The following PTPRD variants were observed in gnomAD, a reference collection of about 807,000 sequenced individuals.
The protein encoded by PTPRD is protein tyrosine phosphatase receptor type D, also known as receptor-type tyrosine-protein phosphatase delta.
PTPRD carries 34 observed loss-of-function variants against 214.5 expected under a neutral mutation model. The observed-to-expected ratio is 0.16, with a 90% confidence interval of 0.12 to 0.21. The LOEUF (loss-of-function observed/expected upper bound fraction) is 0.21. Among genes scored for constraint, PTPRD ranks in the 10% least tolerant of loss-of-function variants. The pLI is 1.00. For missense variants in PTPRD, 2,545 were observed against 2,398.7 expected (o/e 1.06, Z -1.27); for synonymous variants, 1,128 against 845.7 (o/e 1.33, Z -5.79).
At chr9:9,107,826 A>G (rs1219269903) in intron 10 of PTPRD, among the ~76,000 whole-genome samples, 2 of 152,164 alleles carry the variant, frequency 1.3e-5, no homozygotes, top group African/African-American at 2.4e-5. Context: ...TTGATGACTC[A>G]AAAGCACTCT....
intron 2 of PTPRD, among the ~76,000 whole-genome samples, chr9:10,461,828 G>T (rs986718782): frequency 3.9e-5 from 6 of 151,940 alleles, no homozygotes; most frequent in African/African-American, 1.5e-4. Flanking sequence ...AACCATGTTG[G>T]CCAGGCTGGT....
At chr9:10,293,126 A>C (rs1021934642) in intron 3 of PTPRD, among the ~76,000 whole-genome samples, 2 of 151,952 alleles carry the variant, frequency 1.3e-5, no homozygotes, top group Non-Finnish European at 2.9e-5. Context: ...CATGCAGATA[A>C]TGGCTAATAC....
intron 10 of PTPRD, among the ~76,000 whole-genome samples, chr9:9,068,608 AC>A (rs2099738900): frequency 6.6e-6 from 1 of 151,846 alleles, no homozygotes; most frequent in East Asian, 1.9e-4. Context: ...CTGATGTTTT[AC>A]AAAAAATTTT....
chr9:10,507,368 A>T (rs1306768873), intron 2 of PTPRD, among the ~76,000 whole-genome samples: 1 of 152,104 alleles, frequency 6.6e-6, no homozygotes, highest in Non-Finnish European at 1.5e-5. Flanking sequence ...AAATGGCCAT[A>T]TTGCCCAAGG....
chr9:9,433,933 CA>C (rs1345775192), intron 8 of PTPRD, among the ~76,000 whole-genome samples: 2 of 152,060 alleles, frequency 1.3e-5, no homozygotes, highest in Non-Finnish European at 2.9e-5. Flanking sequence ...CTAATAAGCT[CA>C]AAAACGCAGC....
chr9:9,737,327 A>G (rs1036413224), intron 6 of PTPRD, among the ~76,000 whole-genome samples: 1 of 152,278 alleles, frequency 6.6e-6, no homozygotes, highest in South Asian at 2.1e-4. Context: ...CCTTTCTTTC[A>G]ATATGAGTGT....
chr9:9,071,175 T>G (rs1180602560), intron 10 of PTPRD, among the ~76,000 whole-genome samples: 1 of 152,206 alleles, frequency 6.6e-6, no homozygotes, highest in African/African-American at 2.4e-5. Flanking sequence ...CTGTGGCACG[T>G]AAAACTTGGA....
At chr9:10,440,158 T>G (rs1484254110) in intron 2 of PTPRD, among the ~76,000 whole-genome samples, 2 of 151,614 alleles carry the variant, frequency 1.3e-5, no homozygotes, top group African/African-American at 2.4e-5. Context: ...GGCAATATAA[T>G]AAATGTACTT....
At chr9:10,461,056 T>C (rs2098954695) in intron 2 of PTPRD, among the ~76,000 whole-genome samples, 1 of 152,012 alleles carries the variant, frequency 6.6e-6, no homozygotes, top group Non-Finnish European at 1.5e-5. Flanking sequence ...GTAAGAAATA[T>C]ATAACCTGAT....
At chr9:8,599,357 A>G (rs766840520) in intron 14 of PTPRD, among the ~76,000 whole-genome samples, 28 of 152,272 alleles carry the variant, frequency 1.8e-4, no homozygotes, top group South Asian at 1.5e-3. Flanking sequence ...ATCTGTCTAT[A>G]TCACCCTGAA....
chr9:9,851,772 C>T (rs915644117), intron 5 of PTPRD, among the ~76,000 whole-genome samples: 9 of 152,088 alleles, frequency 5.9e-5, no homozygotes, highest in African/African-American at 2.2e-4. Flanking sequence ...ACAGCGAGAC[C>T]CTGTCTCAAT....
rs1440164764 is a variant in PTPRD at position 9,818,804 on chromosome 9, T to C, written c.-367-51953A>G. On this transcript the variant is annotated intron_variant, in intron 5 of 45. Coordinates refer to ENST00000381196, the MANE Select transcript of PTPRD (RefSeq NM_002839.4). ...AGTGGTGTGCGCCTGTAATCCCAGC[T>C]ACTCGGGAGGCTGAGGCTGGAAAAT... Among the ~76,000 whole-genome samples the C allele has an allele frequency of 4.6e-5, 7 of 150,722 alleles. No individual in the cohort carries two copies. The East Asian group carries it at 1.4e-3, about 30-fold the overall frequency.
Position 8,664,657 on chromosome 9 carries a change from T to C in PTPRD, c.65-27813A>G, listed in dbSNP as rs77028872. Among the ~76,000 whole-genome samples the C allele has an allele frequency of 3.9e-3, 591 of 152,352 alleles. 4 individuals are homozygous for C. Among genetic ancestry groups the C allele is most frequent in the African/African-American group, 0.014 (565 of 41,588 alleles). On this transcript the variant is annotated intron_variant, in intron 12 of 45. Coordinates refer to ENST00000381196, the MANE Select transcript of PTPRD (RefSeq NM_002839.4). ...CTCTGGTGTTTATGGTATATAATCC[T>C]CTTAAATGCATGTTTGCTGAGACAC...
At chr9:9,346,050 G>A (rs952522026) in intron 9 of PTPRD, among the ~76,000 whole-genome samples, 2 of 152,040 alleles carry the variant, frequency 1.3e-5, no homozygotes, top group Non-Finnish European at 1.5e-5. Context: ...ATAGAATAGG[G>A]GCCGTGTTCT....
chr9:8,378,364 T>G (rs1326636996), intron 37 of PTPRD, among the ~76,000 whole-genome samples: 1 of 152,040 alleles, frequency 6.6e-6, no homozygotes, highest in Non-Finnish European at 1.5e-5. Flanking sequence ...GATGACATAT[T>G]TAGCAAAAGC....
intron 39 of PTPRD, among the ~76,000 whole-genome samples, chr9:8,375,248 A>C (rs1428473755): frequency 6.6e-6 from 1 of 152,002 alleles, no homozygotes; most frequent in African/African-American, 2.4e-5. Flanking sequence ...TTAATATTTA[A>C]AAATCTATAA....
At chr9:9,582,179 T>G (rs1648364995) in intron 7 of PTPRD, among the ~76,000 whole-genome samples, 1 of 152,276 alleles carries the variant, frequency 6.6e-6, no homozygotes, top group African/African-American at 2.4e-5. Context: ...GCTAGGTTCA[T>G]GACCACTTGG....
chr9:9,547,798 A>T (rs1479181641), intron 8 of PTPRD, among the ~76,000 whole-genome samples: 2 of 148,562 alleles, frequency 1.3e-5, no homozygotes, highest in Non-Finnish European at 3.0e-5. Flanking sequence ...ACACAAATTC[A>T]CACACACACA....
intron 2 of PTPRD, among the ~76,000 whole-genome samples, chr9:10,509,655 C>A (rs1192772791): frequency 6.8e-6 from 1 of 147,866 alleles, no homozygotes; most frequent in Non-Finnish European, 1.5e-5. Flanking sequence ...CCCTCACTCA[C>A]CTTGCATTGT....
Sources: allele counts gnomAD v4.1 joint callset (sites outside exome capture counted in the v4.1 genomes callset), GRCh38; gene constraint gnomAD v4.1.1; transcripts MANE v1.5; gene names NCBI Gene and HGNC (gene_info 2026-07-23, HGNC 2026-07-21).